Variants in ST8SIA6 observed in about 807,000 individuals in gnomAD.
ST8SIA6 encodes the protein alpha-2,8-sialyltransferase 8F.
ST8SIA6 carries 39 observed loss-of-function variants against 33.6 expected under a neutral mutation model. That is an observed-to-expected ratio of 1.16 (90% CI 0.90 to 1.52). ST8SIA6 has a LOEUF of 1.52. ST8SIA6 is among the 40% of genes most tolerant of loss of function. The probability of loss-of-function intolerance (pLI) is 0.00; values close to 1 mark genes in which losing one functional copy is unlikely to be tolerated. For missense variants in ST8SIA6, 441 were observed against 443.8 expected, an observed-to-expected ratio of 0.99 and a Z score of 0.06; for synonymous variants, 172 against 167.2, an observed-to-expected ratio of 1.03 and a Z score of -0.22.
chr10:17,353,391 G>A (rs1159627612), intron 4 of ST8SIA6, among the ~76,000 whole-genome samples: 1 of 152,086 alleles, frequency 6.6e-6, no homozygotes, highest in Non-Finnish European at 1.5e-5. Context: ...GGTATGGTTT[G>A]AATAATGTAA....
intron 2 of ST8SIA6, among the ~76,000 whole-genome samples, chr10:17,411,771 G>A (rs144836898): frequency 1.3e-5 from 2 of 152,238 alleles, no homozygotes; most frequent in East Asian, 3.9e-4. Flanking sequence ...ATCTGTTCTT[G>A]TTCTTTAATT....
intron 2 of ST8SIA6, among the ~76,000 whole-genome samples, chr10:17,436,495 T>C (rs1299888981): frequency 6.6e-6 from 1 of 151,310 alleles, no homozygotes; most frequent in Non-Finnish European, 1.5e-5. Context: ...TAGCATTAGG[T>C]ATCTCTCCTA....
rs1847871623 is a variant in ST8SIA6 at position 17,319,380 on chromosome 10, T to G, written c.*1498A>C. On this transcript the variant is annotated 3_prime_UTR_variant, in exon 8 of 8. Coordinates refer to ENST00000377602, the MANE Select transcript of ST8SIA6 (RefSeq NM_001004470.3). ...TCGGGGTGTCTGTTTAGCCAAAGATTTTTGGCTAACGTGAATCTAGGTAGG... is the reference window on the plus strand; with the variant it reads ...TCGGGGTGTCTGTTTAGCCAAAGATGTTTGGCTAACGTGAATCTAGGTAGG... Among the ~76,000 whole-genome samples the G allele has an allele frequency of 6.6e-6, 1 of 152,138 alleles. No individual in the cohort carries two copies. The highest frequency in any genetic ancestry group is 2.1e-4 in the South Asian group (1 of 4,828).
At chr10:17,398,771 T>C (rs758752998) in intron 2 of ST8SIA6, among the ~76,000 whole-genome samples, 8 of 152,122 alleles carry the variant, frequency 5.3e-5, no homozygotes, top group Non-Finnish European at 1.0e-4. Context: ...CTGTCCTCAT[T>C]CTAGGGATGA....
chr10:17,358,978 A>G (rs1445664497), intron 4 of ST8SIA6, among the ~76,000 whole-genome samples: 2 of 152,164 alleles, frequency 1.3e-5, no homozygotes, highest in Non-Finnish European at 2.9e-5. Context: ...ATGGGCTACA[A>G]GTTTTCCAGC....
intron 2 of ST8SIA6, among the ~76,000 whole-genome samples, chr10:17,397,805 A>G (rs138875130): frequency 5.3e-5 from 8 of 152,288 alleles, no homozygotes; most frequent in African/African-American, 1.4e-4. Context: ...TCATCACTTC[A>G]GTATGTTGCG....
rs541270466 is a variant in ST8SIA6, at chr10:17,397,343, C to T, written c.201-6723G>A. On this transcript the variant is annotated intron_variant, in intron 2 of 7. Transcript: ENST00000377602. The stretch of plus-strand genomic sequence containing the variant: ...CCACCTCCTGGGTTCAAGTGATTCT[C>T]CTGCCTCAGCCTCCTGTGTAGCTGG... Among the ~76,000 whole-genome samples the T allele has an allele frequency of 3.8e-3, 557 of 146,452 alleles. 2 individuals carry two copies. The highest frequency in any genetic ancestry group is 6.3e-3 in the Non-Finnish European group (423 of 67,280).
intron 4 of ST8SIA6, among the ~76,000 whole-genome samples, chr10:17,357,500 C>G (rs1849238485): frequency 6.6e-6 from 1 of 152,138 alleles, no homozygotes; most frequent in African/African-American, 2.4e-5. Flanking sequence ...CTTTTGAAAA[C>G]TGGTTTTTCC....
chr10:17,369,632 T>C (rs1013024647), intron 3 of ST8SIA6, among the ~76,000 whole-genome samples: 3 of 152,222 alleles, frequency 2.0e-5, no homozygotes, highest in African/African-American at 7.2e-5. Flanking sequence ...CTCATTGTTC[T>C]ATCCACTATT....
intron 4 of ST8SIA6, among the ~76,000 whole-genome samples, chr10:17,336,168 G>A (rs987454000): frequency 1.9e-4 from 29 of 152,040 alleles, no homozygotes; most frequent in African/African-American, 7.0e-4. Flanking sequence ...CGTTGACCAG[G>A]CTGGTCTCGA....
chr10:17,324,821 A>C (rs1848069916), intron 6 of ST8SIA6, among the ~76,000 whole-genome samples: 1 of 145,122 alleles, frequency 6.9e-6, no homozygotes, highest in Admixed American at 6.9e-5. Context: ...ATGCATACAT[A>C]TTATAGATTA....
rs566156921 is a variant in ST8SIA6 at position 17,327,413 on chromosome 10, C to T, written c.523-287G>A. Among the ~76,000 whole-genome samples the T allele has an allele frequency of 2.6e-5, 4 of 151,818 alleles. No individual in the cohort carries two copies. The South Asian group carries it at 6.3e-4, about 24-fold the overall frequency. ...CAGCCTGGCCAAGATGGTGAAACCC[C>T]GTCTCTGCGAAAAATACAAAAAAAT... On this transcript the variant is annotated intron_variant, in intron 5 of 7. Transcript: ENST00000377602.
At chr10:17,434,834 T>G (rs535828586) in intron 2 of ST8SIA6, among the ~76,000 whole-genome samples, 1 of 152,108 alleles carries the variant, frequency 6.6e-6, no homozygotes, top group African/African-American at 2.4e-5. Flanking sequence ...ACTGGCATGG[T>G]TTATGGTTTC....
At chr10:17,383,252 T>G (rs1306945769) in intron 3 of ST8SIA6, among the ~76,000 whole-genome samples, 2 of 152,320 alleles carry the variant, frequency 1.3e-5, no homozygotes, top group East Asian at 3.9e-4. Context: ...AAAATCAAAT[T>G]ATCAATTATG....
rs1001245107 is a variant in ST8SIA6 at position 17,390,414 on chromosome 10, T to C, written c.290+117A>G. The C allele has an allele frequency of 6.1e-5, 52 of 846,650 alleles. No homozygotes were observed. The African/African-American group carries it at 7.0e-4, about 11-fold the overall frequency. 52.4% of individuals were successfully genotyped at this position (846,650 alleles called of 1,614,324 possible). The stretch of plus-strand genomic sequence containing the variant: ...CATTAACAGGAGCTTCAGAGCCCAA[T>C]GGTAAGCCTGAGAGTGAACAGTCTC... On this transcript the variant is annotated intron_variant, in intron 3 of 7. Transcript: ENST00000377602.
intron 2 of ST8SIA6, among the ~76,000 whole-genome samples, chr10:17,412,791 G>A (rs1851494402): frequency 6.6e-6 from 1 of 152,156 alleles, no homozygotes; most frequent in African/African-American, 2.4e-5. Flanking sequence ...GGTAATTATA[G>A]TTTACAACCA....
intron 2 of ST8SIA6, among the ~76,000 whole-genome samples, chr10:17,425,565 A>C (rs915173665): frequency 6.6e-6 from 1 of 151,760 alleles, no homozygotes; most frequent in African/African-American, 2.4e-5. Context: ...GGACCCTGTC[A>C]AAAGAAAGAG....
Position 17,428,374 on chromosome 10 carries a change from G to A in ST8SIA6, c.200+25185C>T, listed in dbSNP as rs552565661. ...ATACTTTCATTCATTCACTGATGTA[G>A]CAAATGCTTATTTTTATTTGATATA... On this transcript the variant is annotated intron_variant, in intron 2 of 7. Transcript: ENST00000377602. 1.3e-4 allele frequency among the ~76,000 whole-genome samples: 20 copies of A among 152,180 alleles called. 1 individual carries two copies. The East Asian group carries it at 2.1e-3, about 16-fold the overall frequency.
chr10:17,319,517 C>T lies in ST8SIA6; in HGVS notation c.*1361G>A, dbSNP rs1192472567. 3.3e-5 allele frequency among the ~76,000 whole-genome samples: 5 copies of T among 152,084 alleles called. No individual in the cohort carries two copies. Among genetic ancestry groups the T allele is most frequent in the East Asian group, 1.9e-4 (1 of 5,194 alleles). ...ACAATTTTCTCCACAAAAGAAAACC[C>T]GCAAACATTCTTTTTCTCCTAAGCT... On this transcript the variant is annotated 3_prime_UTR_variant, in exon 8 of 8. Transcript: ENST00000377602.
Sources: gnomAD v4.1 joint callset for allele counts (sites outside exome capture counted in the v4.1 genomes callset) on GRCh38, gnomAD v4.1.1 for gene constraint, MANE v1.5 for transcripts, NCBI Gene and HGNC (gene_info 2026-07-23, HGNC 2026-07-21) for gene names.